The following TSHR variants were observed in gnomAD, a reference collection of about 807,000 sequenced individuals.
TSHR encodes thyroid stimulating hormone receptor, also known as thyrotropin receptor.
TSHR carries 51 observed loss-of-function variants against 64.1 expected under a neutral mutation model. The observed-to-expected ratio is 0.80, with a 90% CI of 0.64 to 1.01. The LOEUF (loss-of-function observed/expected upper bound fraction) is 1.01, where lower values mean the gene tolerates loss of function less well. Ranked by LOEUF, TSHR falls within the 50% of genes least tolerant of loss-of-function variation. TSHR has a pLI of 0.00. For synonymous variants in TSHR, 361 were observed against 361.9 expected (o/e 1.00, Z 0.03); for missense variants, 877 against 942.8 (o/e 0.93, Z 0.91).
chr14:80,971,261 C>T (rs1887576044), intron 1 of TSHR, among the ~76,000 whole-genome samples: 1 of 152,130 alleles, frequency 6.6e-6, no homozygotes, highest in African/African-American at 2.4e-5. Context: ...ACTTTTTGCC[C>T]ACCAACTCTA....
intron 8 of TSHR, among the ~76,000 whole-genome samples, chr14:81,133,465 C>A (rs1891332954): frequency 6.6e-6 from 1 of 152,148 alleles, no homozygotes; most frequent in Non-Finnish European, 1.5e-5. Context: ...AAGAGTAAGA[C>A]ATGGGACTGA....
chr14:81,121,379 T>C (rs989445170), intron 8 of TSHR, among the ~76,000 whole-genome samples: 4 of 152,190 alleles, frequency 2.6e-5, no homozygotes, highest in Admixed American at 2.0e-4. Context: ...GGGAAAGTCA[T>C]TTCCAAACTA....
chr14:80,982,539 T>C, intron 1 of TSHR: 1 of 1,009,524 alleles, frequency 9.9e-7, no homozygotes, highest in Non-Finnish European at 1.4e-6. Flanking sequence ...GAGATGATGC[T>C]AGTTTTGACC....
At position 81,145,912 on chromosome 14, in the gene TSHR, C is replaced by T. The variant is rs1176236513; in HGVS notation, c.*1559C>T. The T allele has an allele frequency of 1.3e-5, 3 of 232,396 alleles. No individual in the cohort carries two copies. The highest frequency in any genetic ancestry group is 2.6e-5 in the Non-Finnish European group (3 of 117,630). The allele number at this position is 232,396 out of a possible 1,614,324, so 14.4% of individuals were successfully genotyped here. A position where few individuals can be genotyped will look rare whatever the true frequency, so the allele number is the denominator to read the frequency against. ...TAAACCACACCATGAAATAAAAGCT[C>T]TTTGTTGTTTTAAGATTGTGAAGTG... On this transcript the variant is annotated 3_prime_UTR_variant, in exon 10 of 10. Coordinates refer to ENST00000298171, the MANE Select transcript of TSHR (RefSeq NM_000369.5).
At chr14:81,100,818 A>G (rs944486675) in intron 7 of TSHR, among the ~76,000 whole-genome samples, 62 of 152,142 alleles carry the variant, frequency 4.1e-4, no homozygotes, top group Non-Finnish European at 2.5e-4. Flanking sequence ...TCAGCTCCAC[A>G]TGTGCCTTGA....
intron 1 of TSHR, among the ~76,000 whole-genome samples, chr14:80,990,939 G>A (rs1888696935): frequency 6.6e-6 from 1 of 152,222 alleles, no homozygotes; most frequent in Non-Finnish European, 1.5e-5. Context: ...ACAGGCATGA[G>A]CCACTGCGCC....
In TSHR at chr14:81,080,118, A is replaced by G. The variant is rs146188242; in HGVS notation, c.318-7836A>G. Among the ~76,000 whole-genome samples, 654 of 151,992 alleles carry G rather than the reference A, an allele frequency of 4.3e-3. 8 individuals carry two copies. Among genetic ancestry groups the G allele is most frequent in the Middle Eastern group, 0.041 (12 of 294 alleles). Reference sequence around the variant, plus strand: ...CAGGCGTGTGCCACCATGCCCAGCTAATTTTTTGTATTTTTAGTAGAGAAG... The same window carrying G: ...CAGGCGTGTGCCACCATGCCCAGCTGATTTTTTGTATTTTTAGTAGAGAAG... On this transcript the variant is annotated intron_variant, in intron 3 of 9. Coordinates refer to ENST00000298171, the MANE Select transcript of TSHR (RefSeq NM_000369.5).
At chr14:80,960,988 T>TACAGCATCCCATACAGCATCCCATA (rs1886992415) in intron 1 of TSHR, among the ~76,000 whole-genome samples, 1 of 152,148 alleles carries the variant, frequency 6.6e-6, no homozygotes, top group African/African-American at 2.4e-5. Context: ...TACCTGGGAG[T>TACAGCATCCCATACAGCATCCCATA]AGTATCCTGT....
chr14:81,139,714 C>A lies in TSHR; in HGVS notation c.728C>A (p.Ser243Tyr). 6.2e-7 allele frequency: 1 copy of A among 1,614,208 alleles called. No homozygotes were observed. ...VSQTSVTALP[S>Y]KGLEHLKELI... ...CAAACCAGTGTCACTGCCCTTCCAT[C>A]CAAAGGCCTGGAGCACCTGAAGGAA... The change falls in exon 9 of 10, where the codon TCC becomes TAC. Residue 243 changes from serine to tyrosine, a missense_variant. Coordinates refer to ENST00000298171, the MANE Select transcript of TSHR (RefSeq NM_000369.5).
chr14:81,000,447 C>T (rs947909489), intron 1 of TSHR, among the ~76,000 whole-genome samples: 4 of 152,224 alleles, frequency 2.6e-5, no homozygotes, highest in Non-Finnish European at 4.4e-5. Context: ...TAAGGATCCC[C>T]GGCCCCACAT....
Position 81,103,808 on chromosome 14 carries a change from T to A in TSHR, c.615-4567T>A. On this transcript the variant is annotated intron_variant, in intron 7 of 9. Transcript: ENST00000298171. The surrounding 1 kb of genome is among the most constrained non-coding windows in gnomAD (Gnocchi z 4.1). ...GGGATATGTTGCTTCTCACAGAATGTCTGATTCTCTGTATCACATTTCCTA... is the reference window on the plus strand; with the variant it reads ...GGGATATGTTGCTTCTCACAGAATGACTGATTCTCTGTATCACATTTCCTA... 7 of 985,462 alleles carry A rather than the reference T, an allele frequency of 7.1e-6. No homozygotes were observed. Among genetic ancestry groups the A allele is most frequent in the Non-Finnish European group, 8.4e-6 (7 of 829,932 alleles). The allele number at this position is 985,462 out of a possible 1,614,324, so 61.0% of individuals were successfully genotyped here. A position where few individuals can be genotyped will look rare whatever the true frequency, so the allele number is the denominator to read the frequency against.
intron 1 of TSHR, among the ~76,000 whole-genome samples, chr14:80,981,702 G>T (rs146998532): frequency 5.1e-4 from 77 of 152,226 alleles, no homozygotes; most frequent in African/African-American, 1.8e-3. Context: ...GTCCATCACC[G>T]CTGGTAGCTG....
At chr14:81,061,235 G>A (rs1886212403) in intron 1 of TSHR, among the ~76,000 whole-genome samples, 1 of 152,090 alleles carries the variant, frequency 6.6e-6, no homozygotes, top group Non-Finnish European at 1.5e-5. Flanking sequence ...TTTTAAAGAT[G>A]TACTTAATGT....
At chr14:80,967,141 C>T (rs772534163) in intron 1 of TSHR, among the ~76,000 whole-genome samples, 5 of 147,860 alleles carry the variant, frequency 3.4e-5, no homozygotes, top group Non-Finnish European at 5.9e-5. Flanking sequence ...GGAATCCAGG[C>T]TAATATCTGG....
intron 9 of TSHR, 108 bp downstream of exon 9, chr14:81,139,975 A>G: frequency 1.4e-6 from 2 of 1,398,244 alleles, no homozygotes; most frequent in East Asian, 4.9e-5. Flanking sequence ...GGTGGAGAGG[A>G]AATTGGAAGC....
At chr14:81,059,632 T>C (rs1886083753) in intron 1 of TSHR, among the ~76,000 whole-genome samples, 1 of 152,138 alleles carries the variant, frequency 6.6e-6, no homozygotes, top group Non-Finnish European at 1.5e-5. Flanking sequence ...CTCAGGCTGA[T>C]TGCTAGCACC....
In TSHR at chr14:81,104,205, T is replaced by G. The variant is rs1042181408; in HGVS notation, c.615-4170T>G. ...GTCCTGATTTCTGCTACAAAAGGAT[T>G]TCCATAGAGCAATCCAGCTTCTCTT... On this transcript the variant is annotated intron_variant, in intron 7 of 9. Coordinates refer to ENST00000298171, the MANE Select transcript of TSHR (RefSeq NM_000369.5). 8 of 985,318 alleles carry G rather than the reference T, an allele frequency of 8.1e-6. No individual in the cohort carries two copies. The African/African-American group carries it at 1.2e-4, about 15-fold the overall frequency. The allele number at this position is 985,318 out of a possible 1,614,324, so 61.0% of individuals were successfully genotyped here.
intron 1 of TSHR, among the ~76,000 whole-genome samples, chr14:80,961,941 T>G (rs1887052552): frequency 1.3e-5 from 2 of 152,198 alleles, no homozygotes; most frequent in Admixed American, 6.5e-5. Context: ...TTCCCAATCC[T>G]TAGAAAATTT....
At chr14:81,012,209 C>T (rs1188748970) in intron 1 of TSHR, 48 of 151,174 alleles carry the variant, frequency 3.2e-4, no homozygotes, top group African/African-American at 1.1e-3. Flanking sequence ...TTTGTTCTTG[C>T]GATAGTTTAC....
Sources: allele counts gnomAD v4.1 joint callset (sites outside exome capture counted in the v4.1 genomes callset), GRCh38; gene constraint gnomAD v4.1.1; non-coding constraint Gnocchi (gnomAD v3.1); transcripts MANE v1.5; gene names NCBI Gene and HGNC (gene_info 2026-07-23, HGNC 2026-07-21).